ERCC1: variants seen among roughly 807,000 people sequenced by gnomAD.
ERCC1 encodes DNA excision repair protein ERCC-1.
ERCC1 carries 36 observed loss-of-function variants against 37.6 expected under a neutral mutation model. The ratio of observed to expected loss-of-function variants is 0.96; its 90% CI spans 0.73 to 1.26. ERCC1 has a LOEUF of 1.26. Among genes scored for constraint, ERCC1 ranks in the 50% most tolerant of loss-of-function variants. The pLI is 0.00. For synonymous variants in ERCC1, 156 were observed against 162.1 expected, an observed-to-expected ratio of 0.96 and a Z score of 0.28; for missense variants, 349 against 376.5, an observed-to-expected ratio of 0.93 and a Z score of 0.60.
At chr19:45,414,807 C>A in intron 7 of ERCC1, 54 bp downstream of exon 7, 1 of 1,293,282 alleles carries the variant, frequency 7.7e-7, no homozygotes, top group Non-Finnish European at 1.1e-6. Flanking sequence ...GAAGCTCAAC[C>A]ACCCAGGAGC....
upstream of ERCC1, among the ~76,000 whole-genome samples, chr19:45,428,771 G>C (rs1376806393): frequency 6.6e-6 from 1 of 150,978 alleles, no homozygotes; most frequent in African/African-American, 2.4e-5. Context: ...CAGTGACCAG[G>C]CTGGCGTCCC....
At chr19:45,423,158 G>A in intron 2 of ERCC1, 112 bp downstream of exon 2, 1 of 1,044,412 alleles carries the variant, frequency 9.6e-7, no homozygotes, top group Non-Finnish European at 1.4e-6. Flanking sequence ...TCCCCAAGTC[G>A]TCCGTGGCCC....
At chr19:45,415,073 C>T in intron 6 of ERCC1, 113 bp from the exon 7 acceptor site, 6 of 709,354 alleles carry the variant, frequency 8.5e-6, no homozygotes, top group South Asian at 4.5e-5. Flanking sequence ...GTGGCTCACG[C>T]CTGTAATCCC....
At position 45,423,798 on chromosome 19, in the gene ERCC1, CG is replaced by C; in HGVS notation, c.-26del. Reference sequence around the variant, plus strand: ...TCCCGCACCTGTGGTCCGGGCCTCACGGTTTCAGCGCCGCGAGGCCTCACCT... The same window carrying C: ...TCCCGCACCTGTGGTCCGGGCCTCACGTTTCAGCGCCGCGAGGCCTCACCT... On this transcript the variant is annotated 5_prime_UTR_variant, in exon 1 of 10. Transcript: ENST00000300853. The C allele has an allele frequency of 2.7e-6, 3 of 1,120,470 alleles. No individual in the cohort carries two copies. The highest frequency in any genetic ancestry group is 3.3e-6 in the Non-Finnish European group (3 of 909,722). 69.4% of individuals were successfully genotyped at this position (1,120,470 alleles called of 1,614,324 possible). A position where few individuals can be genotyped will look rare whatever the true frequency, so the allele number is the denominator to read the frequency against.
At chr19:45,410,146 C>A (rs59228959) in intron 9 of ERCC1, 2 of 155,060 alleles carry the variant, frequency 1.3e-5, no homozygotes, top group African/African-American at 4.8e-5. Context: ...CTCAGCCTCC[C>A]AGTGCTGGGA....
chr19:45,425,084 T>A (rs1019567368), upstream of ERCC1, among the ~76,000 whole-genome samples: 2 of 32,436 alleles, frequency 6.2e-5, no homozygotes, highest in Non-Finnish European at 8.6e-5. Context: ...CCCGGCTAAT[T>A]TTTTTTTTTT....
At chr19:45,418,158 A>G (rs1473092443) in intron 5 of ERCC1, among the ~76,000 whole-genome samples, 1 of 151,560 alleles carries the variant, frequency 6.6e-6, no homozygotes, top group Non-Finnish European at 1.5e-5. Context: ...GACCAGCCTG[A>G]CCAACATGGT....
At chr19:45,446,379 G>A (rs1966942897) in intron 1 of ERCC1, among the ~76,000 whole-genome samples, 1 of 152,116 alleles carries the variant, frequency 6.6e-6, no homozygotes, top group Non-Finnish European at 1.5e-5. Flanking sequence ...AAAATTTGCT[G>A]ACAAGCACAT....
At chr19:45,427,283 A>C (rs1974718083), upstream of ERCC1, among the ~76,000 whole-genome samples, 1 of 152,034 alleles carries the variant, frequency 6.6e-6, no homozygotes, top group Non-Finnish European at 1.5e-5. Flanking sequence ...AAGGAAGGAG[A>C]ATCAGTCTAA....
rs370788479 is a variant in ERCC1 at position 45,414,845 on chromosome 19, G to A, written c.702+16C>T. 44 of 1,592,346 alleles carry A rather than the reference G, an allele frequency of 2.8e-5. No homozygotes were observed. The highest frequency in any genetic ancestry group is 3.4e-5 in the Non-Finnish European group (39 of 1,160,546). Reference sequence around the variant, plus strand: ...CGGGGAGGCCCAGGCAGGGATGGGAGGTGAGGTGGCCTCACCCGGGAGACG... The same window carrying A: ...CGGGGAGGCCCAGGCAGGGATGGGAAGTGAGGTGGCCTCACCCGGGAGACG... On this transcript the variant is annotated intron_variant, in intron 7 of 9. Transcript: ENST00000300853.
At chr19:45,417,736 G>A (rs1050667788) in intron 5 of ERCC1, among the ~76,000 whole-genome samples, 5 of 152,066 alleles carry the variant, frequency 3.3e-5, no homozygotes, top group Admixed American at 2.6e-4. Context: ...GTCTCGCTCT[G>A]TTGCCCAGGC....
At chr19:45,437,441 G>T (rs1975010106) in intron 1 of ERCC1, among the ~76,000 whole-genome samples, 1 of 152,228 alleles carries the variant, frequency 6.6e-6, no homozygotes, top group Non-Finnish European at 1.5e-5. Flanking sequence ...CCAAGATATG[G>T]AGTCAACCTA....
Position 45,407,501 on chromosome 19 carries a change from G to T in ERCC1, c.*2174C>A. 1 of 435,178 alleles carries T rather than the reference G, an allele frequency of 2.3e-6. No individual in the cohort carries two copies. The highest frequency in any genetic ancestry group is 4.0e-6 in the Non-Finnish European group (1 of 247,840). The allele number at this position is 435,178 out of a possible 1,614,324, so 27.0% of individuals were successfully genotyped here. Reference sequence around the variant, plus strand: ...TGCAGATAAGCTCACTAAAGGTAGGGGCTATTGGTGTTATCCACGACCATT... The same window carrying T: ...TGCAGATAAGCTCACTAAAGGTAGGTGCTATTGGTGTTATCCACGACCATT... On this transcript the variant is annotated 3_prime_UTR_variant, in exon 10 of 10. Coordinates refer to ENST00000300853, the MANE Select transcript of ERCC1 (RefSeq NM_001983.4).
upstream of ERCC1, among the ~76,000 whole-genome samples, chr19:45,425,333 A>G (rs1466330860): frequency 1.3e-5 from 2 of 152,092 alleles, no homozygotes; most frequent in African/African-American, 4.8e-5. Context: ...GGTCCCAAAC[A>G]GTAATGACCT....
Position 45,408,723 on chromosome 19 carries a change from A to C in ERCC1, c.*952T>G. On this transcript the variant is annotated 3_prime_UTR_variant, in exon 10 of 10. Transcript: ENST00000300853. The stretch of plus-strand genomic sequence containing the variant: ...GTGCTGTTCCCGTCCACCACCAAGA[A>C]GAGGAAGAAGCCCAAAGGGAAAGAA... 2 of 1,614,022 alleles carry C rather than the reference A, an allele frequency of 1.2e-6. No homozygotes were observed. The highest frequency in any genetic ancestry group is 1.7e-6 in the Non-Finnish European group (2 of 1,180,004).
At position 45,414,939 on chromosome 19, in the gene ERCC1, G is replaced by C; in HGVS notation, c.624C>G (p.Tyr208Ter). 1 of 1,613,738 alleles carries C rather than the reference G, an allele frequency of 6.2e-7. No individual in the cohort carries two copies. Among genetic ancestry groups the C allele is most frequent in the Non-Finnish European group, 8.5e-7 (1 of 1,179,732 alleles). Residue 208 changes from tyrosine to a stop codon, truncating the protein, a stop_gained, in exon 7 of 10, where the codon TAC becomes TAG. Transcript: ENST00000300853. LOFTEE classifies it high-confidence loss of function. ...LAWSPEEAGRYLETYKAYEQK... is the reference protein window; with the variant it reads ...LAWSPEEAGR The stretch of plus-strand genomic sequence containing the variant: ...GCTCATAGGCCTTGTAGGTCTCCAG[G>C]TACCGCCCAGCTTCCTCGGGGCTGG...
intron 1 of ERCC1, among the ~76,000 whole-genome samples, chr19:45,441,352 T>G (rs544296823): frequency 2.2e-4 from 34 of 152,270 alleles, no homozygotes; most frequent in Middle Eastern, 3.4e-3. Flanking sequence ...GTGGGAGAGA[T>G]ACCCAGTTGA....
Position 45,418,501 on chromosome 19 carries a change from C to T in ERCC1, c.525+597G>A, listed in dbSNP as rs546368795. The stretch of plus-strand genomic sequence containing the variant: ...GGCCATTGCACTCCAGCCTGGGCGA[C>T]AGAGGAGACTCCGTCTTAAAAAAAT... On this transcript the variant is annotated intron_variant, in intron 5 of 9. Coordinates refer to ENST00000300853, the MANE Select transcript of ERCC1 (RefSeq NM_001983.4). 4.6e-5 allele frequency among the ~76,000 whole-genome samples: 7 copies of T among 151,826 alleles called. No individual in the cohort carries two copies. The South Asian group carries it at 1.5e-3, about 32-fold the overall frequency.
Position 45,408,569 on chromosome 19 carries a change from A to G in ERCC1, c.*1106T>C, listed in dbSNP as rs761260808. 6.2e-6 allele frequency: 10 copies of G among 1,613,848 alleles called. No individual in the cohort carries two copies. The highest frequency in any genetic ancestry group is 7.6e-6 in the Non-Finnish European group (9 of 1,180,010). On this transcript the variant is annotated 3_prime_UTR_variant, in exon 10 of 10. Coordinates refer to ENST00000300853, the MANE Select transcript of ERCC1 (RefSeq NM_001983.4). ...TGGGCACGGGGCCCTGGAGGTGGAC[A>G]TGGCTTTGGGGTCGCCAGAAATGGA...
Sources: allele counts gnomAD v4.1 joint callset (sites outside exome capture counted in the v4.1 genomes callset), GRCh38; gene constraint gnomAD v4.1.1; transcripts MANE v1.5; gene names NCBI Gene and HGNC (gene_info 2026-07-23, HGNC 2026-07-21).